The following DLAT variants were observed in gnomAD, a reference collection of about 807,000 sequenced individuals.
DLAT encodes dihydrolipoamide S-acetyltransferase.
In DLAT, 43 loss-of-function variants were observed where a neutral mutation model predicts 68.0. The ratio of observed to expected loss-of-function variants is 0.63; its 90% CI spans 0.50 to 0.81. DLAT has a LOEUF of 0.81. DLAT is among the 40% of genes least tolerant of loss of function. The pLI, the probability that DLAT is intolerant of heterozygous loss-of-function variation, is 0.00. For missense variants in DLAT, 745 were observed against 815.4 expected, an observed-to-expected ratio of 0.91 and a Z score of 1.05; for synonymous variants, 265 against 288.6, an observed-to-expected ratio of 0.92 and a Z score of 0.83.
rs1415165492 is a variant in DLAT, at chr11:112,063,628, CCTT to C, written c.*1096_*1098del. 4 of 152,212 alleles carry C rather than the reference CCTT, an allele frequency of 2.6e-5. No individual in the cohort carries two copies. The highest frequency in any genetic ancestry group is 1.9e-4 in the East Asian group (1 of 5,200). The allele number at this position is 152,212 out of a possible 1,614,324, so 9.4% of individuals were successfully genotyped here. A position where few individuals can be genotyped will look rare whatever the true frequency, so the allele number is the denominator to read the frequency against. ...ATGTGTGTAAAAAAGTGTTCTGTGTCCTTCTACTCCAGCATCGTCTCATGTAAA... is the reference window on the plus strand; with the variant it reads ...ATGTGTGTAAAAAAGTGTTCTGTGTCCTACTCCAGCATCGTCTCATGTAAA... On this transcript the variant is annotated 3_prime_UTR_variant, in exon 14 of 14. Coordinates refer to ENST00000280346, the MANE Select transcript of DLAT (RefSeq NM_001931.5).
intron 2 of DLAT, among the ~76,000 whole-genome samples, chr11:112,028,109 C>G (rs1446192395): frequency 6.6e-6 from 1 of 152,168 alleles, no homozygotes; most frequent in Non-Finnish European, 1.5e-5. Context: ...GATAAGTTGT[C>G]AGCAGCTGGC....
Position 112,055,848 on chromosome 11 carries a change from CTTTTTTTTTTTTTTTTTTTT to C in DLAT, c.1515-4036_1515-4017del, listed in dbSNP as rs71060212. On this transcript the variant is annotated intron_variant, in intron 11 of 13. Coordinates refer to ENST00000280346, the MANE Select transcript of DLAT (RefSeq NM_001931.5). ...TCTCCTCTGTGCCAGCATATAGACA[CTTTTTTTTTTTTTTTTTTTT>C]TTTTTTTTTTTTTTTTTTGAGGTGG... Among the ~76,000 whole-genome samples the C allele has an allele frequency of 3.1e-3, 98 of 31,988 alleles. No homozygotes were observed. In the South Asian group the frequency reaches 0.044, roughly 14 times the overall value. 21.0% of individuals were successfully genotyped at this position (31,988 alleles called of 152,430 possible). A position where few individuals can be genotyped will look rare whatever the true frequency, so the allele number is the denominator to read the frequency against.
chr11:112,058,604 T>G, intron 11 of DLAT, among the ~76,000 whole-genome samples: 2 of 2,996 alleles, frequency 6.7e-4, no homozygotes, highest in African/African-American at 4.0e-3. Context: ...GAACTTCAGT[T>G]GGGGTGGGGG....
intron 11 of DLAT, among the ~76,000 whole-genome samples, chr11:112,055,700 A>G (rs1440451531): frequency 6.6e-6 from 1 of 151,716 alleles, no homozygotes; most frequent in Non-Finnish European, 1.5e-5. Context: ...TTTCCGTGCT[A>G]TGGCCACCGT....
chr11:112,060,047 A>G lies in DLAT; in HGVS notation c.1659A>G (p.Leu553=), dbSNP rs1056173690. 1 of 1,613,894 alleles carries G rather than the reference A, an allele frequency of 6.2e-7. No individual in the cohort carries two copies. The highest frequency in any genetic ancestry group is 8.5e-7 in the Non-Finnish European group (1 of 1,179,950). Residue 553 remains leucine (L), a synonymous_variant, in exon 12 of 14, where the codon CTA becomes CTG. Transcript: ENST00000280346. ...CAACCAAAGCAAGAGAGGGTAAACT[A>G]CAGCCACATGAATTCCAGGTAGGGT... is the stretch of plus-strand genomic sequence containing the variant. The part of the protein sequence containing the change: ...SLATKAREGK[L]QPHEFQGGTF...
chr11:112,030,391 CG>C lies in DLAT; in HGVS notation c.660+1451del, dbSNP rs747434601. On this transcript the variant is annotated intron_variant, in intron 4 of 13. Transcript: ENST00000280346. The stretch of plus-strand genomic sequence containing the variant: ...ATGGCTCTGACCCGGAAACGGAAGT[CG>C]GGGGATCATATTTCAGCATGAGATT... 1.9e-4 allele frequency: 79 copies of C among 414,326 alleles called. 1 individual carries two copies. Among genetic ancestry groups the C allele is most frequent in the Admixed American group, 4.6e-4 (16 of 34,606 alleles). The allele number at this position is 414,326 out of a possible 1,614,324, so 25.7% of individuals were successfully genotyped here.
chr11:112,054,472 T>G (rs1863879579), intron 11 of DLAT, among the ~76,000 whole-genome samples: 1 of 152,186 alleles, frequency 6.6e-6, no homozygotes, highest in African/African-American at 2.4e-5. Context: ...CTAATTGATT[T>G]TAATAATTGC....
chr11:112,045,687 C>CAA (rs782116849), intron 9 of DLAT, among the ~76,000 whole-genome samples, 176 bp from the exon 10 acceptor site: 3 of 115,640 alleles, frequency 2.6e-5, no homozygotes, highest in Admixed American at 9.0e-5. Context: ...GACTCCATCT[C>CAA]AAAAAAAAAA....
chr11:112,030,169 T>C (rs1363208907), intron 4 of DLAT: 3 of 639,648 alleles, frequency 4.7e-6, no homozygotes, highest in Non-Finnish European at 8.9e-6. Context: ...TTTATGACCC[T>C]GTGGAAAGTG....
chr11:112,033,758 C>T (rs1862544552), intron 5 of DLAT, among the ~76,000 whole-genome samples: 1 of 152,140 alleles, frequency 6.6e-6, no homozygotes, highest in African/African-American at 2.4e-5. Context: ...TAATCTGTTG[C>T]CCAGGCTGGA....
chr11:112,058,285 T>A (rs1555182791), intron 11 of DLAT, among the ~76,000 whole-genome samples: 1 of 152,204 alleles, frequency 6.6e-6, no homozygotes, highest in African/African-American at 2.4e-5. Context: ...AAAGCAGTAT[T>A]TGCTGTGTGA....
At chr11:112,052,192 C>T (rs1863681167) in intron 11 of DLAT, among the ~76,000 whole-genome samples, 2 of 152,242 alleles carry the variant, frequency 1.3e-5, no homozygotes, top group South Asian at 4.2e-4. Flanking sequence ...GTCACAGCAC[C>T]GCTTCTGTGA....
chr11:112,030,707 G>A (rs1371222683), intron 4 of DLAT, among the ~76,000 whole-genome samples: 2 of 152,184 alleles, frequency 1.3e-5, no homozygotes, highest in Non-Finnish European at 2.9e-5. Flanking sequence ...GTTATCGTCT[G>A]TATATTTGTG....
At chr11:112,034,855 C>T (rs1180201646) in intron 5 of DLAT, among the ~76,000 whole-genome samples, 2 of 145,982 alleles carry the variant, frequency 1.4e-5, no homozygotes, top group Admixed American at 1.4e-4. Flanking sequence ...CTTACTGCAG[C>T]CTCCGCCTCC....
At chr11:112,044,426 C>G (rs1186854836) in intron 8 of DLAT, among the ~76,000 whole-genome samples, 1 of 152,166 alleles carries the variant, frequency 6.6e-6, no homozygotes, top group Non-Finnish European at 1.5e-5. Context: ...AACTCCTGGC[C>G]TCAAGTGAGT....
chr11:112,050,254 G>T (rs1343200722), intron 10 of DLAT, among the ~76,000 whole-genome samples: 1 of 151,550 alleles, frequency 6.6e-6, no homozygotes, highest in Non-Finnish European at 1.5e-5. Flanking sequence ...TTTATATATT[G>T]CTGGATTTTA....
intron 7 of DLAT, among the ~76,000 whole-genome samples, chr11:112,041,930 G>C (rs930606111): frequency 2.6e-5 from 4 of 151,938 alleles, no homozygotes; most frequent in Non-Finnish European, 4.4e-5. Context: ...TGAGCAAAGG[G>C]TCTAGTAGGA....
At chr11:112,030,063 A>T (rs1326789571) in intron 4 of DLAT, 1 of 947,624 alleles carries the variant, frequency 1.1e-6, no homozygotes, top group Non-Finnish European at 1.7e-6. Context: ...TGAGTGTCTA[A>T]GTTTAAAATT....
chr11:112,052,266 CAGTGATTTCCTCTA>C (rs1173502356), intron 11 of DLAT, among the ~76,000 whole-genome samples: 5 of 152,288 alleles, frequency 3.3e-5, no homozygotes, highest in African/African-American at 7.2e-5. Context: ...ATTAATTCTG[CAGTGATTTCCTCTA>C]ATTCAATTCA....
Sources: gnomAD v4.1 joint callset for allele counts (sites outside exome capture counted in the v4.1 genomes callset) on GRCh38, gnomAD v4.1.1 for gene constraint, MANE v1.5 for transcripts, NCBI Gene and HGNC (gene_info 2026-07-23, HGNC 2026-07-21) for gene names.